MPDZ: variants seen among roughly 807,000 people sequenced by gnomAD.
The protein encoded by MPDZ is multiple PDZ domain crumbs cell polarity complex component.
MPDZ carries 234 observed loss-of-function variants against 239.1 expected under a neutral mutation model. The ratio of observed to expected loss-of-function variants is 0.98; its 90% CI spans 0.88 to 1.09. The LOEUF (loss-of-function observed/expected upper bound fraction) is 1.09. Among genes scored for constraint, MPDZ ranks in the 50% least tolerant of loss-of-function variants. The probability of loss-of-function intolerance (pLI) is 0.00; values close to 1 mark genes in which losing one functional copy is unlikely to be tolerated. For synonymous variants in MPDZ, 1,048 were observed against 881.3 expected (o/e 1.19, Z -3.35); for missense variants, 3,175 against 2,510.0 (o/e 1.26, Z -5.66).
chr9:13,254,572 TG>T (rs1236086746), intron 1 of MPDZ, among the ~76,000 whole-genome samples: 1 of 151,920 alleles, frequency 6.6e-6, no homozygotes, highest in Non-Finnish European at 1.5e-5. Context: ...AAATAAAAAA[TG>T]GAAAAAAAAC....
chr9:13,147,691 G>T, intron 25 of MPDZ, 33 bp from the exon 26 acceptor site: 2 of 1,526,508 alleles, frequency 1.3e-6, no homozygotes, highest in Non-Finnish European at 1.8e-6. Context: ...AACATTTCAA[G>T]AATCTATAGA....
chr9:13,171,220 A>G (rs1269396172), intron 21 of MPDZ, among the ~76,000 whole-genome samples: 2 of 152,212 alleles, frequency 1.3e-5, no homozygotes, highest in Non-Finnish European at 2.9e-5. Context: ...ACAAAACTAA[A>G]AACAAAACAA....
intron 13 of MPDZ, among the ~76,000 whole-genome samples, chr9:13,195,257 C>T (rs985295182): frequency 2.0e-5 from 3 of 152,144 alleles, no homozygotes; most frequent in South Asian, 4.1e-4. Context: ...CACTGCACTC[C>T]AGCCTGGGTG....
At chr9:13,173,363 T>C (rs542219521) in intron 21 of MPDZ, among the ~76,000 whole-genome samples, 9 of 152,300 alleles carry the variant, frequency 5.9e-5, no homozygotes, top group African/African-American at 2.2e-4. Flanking sequence ...CCCCAATAGA[T>C]GAAGAAATGC....
At chr9:13,171,926 C>A (rs1180776694) in intron 21 of MPDZ, among the ~76,000 whole-genome samples, 4 of 152,136 alleles carry the variant, frequency 2.6e-5, no homozygotes, top group African/African-American at 9.7e-5. Context: ...TATACTTTTC[C>A]ACTAGCACAA....
intron 32 of MPDZ, among the ~76,000 whole-genome samples, chr9:13,131,465 C>T (rs1945986887): frequency 6.6e-6 from 1 of 152,108 alleles, no homozygotes; most frequent in Non-Finnish European, 1.5e-5. Flanking sequence ...ACAAGTTAAA[C>T]GGTGTAGAAA....
chr9:13,238,851 A>G (rs1350349469), intron 3 of MPDZ, among the ~76,000 whole-genome samples: 1 of 152,204 alleles, frequency 6.6e-6, no homozygotes, highest in Non-Finnish European at 1.5e-5. Context: ...TAAGCTGCAC[A>G]TTAAATATAT....
intron 32 of MPDZ, among the ~76,000 whole-genome samples, chr9:13,130,499 A>C (rs2131996785): frequency 6.6e-6 from 1 of 152,342 alleles, no homozygotes; most frequent in African/African-American, 2.4e-5. Flanking sequence ...TGGAAAAAAA[A>C]GTGAGAATTT....
chr9:13,154,955 A>G (rs556695143), intron 24 of MPDZ, among the ~76,000 whole-genome samples: 2 of 152,290 alleles, frequency 1.3e-5, no homozygotes, highest in East Asian at 3.9e-4. Context: ...GTGGTAGCTC[A>G]TGCCTGTAAT....
intron 2 of MPDZ, among the ~76,000 whole-genome samples, chr9:13,248,739 G>A (rs1168124613): frequency 1.3e-5 from 2 of 151,390 alleles, no homozygotes; most frequent in Admixed American, 6.6e-5. Flanking sequence ...AGGCTGAGGC[G>A]GGTGGATTAC....
In MPDZ at chr9:13,125,340, A is replaced by C; in HGVS notation, c.4683T>G (p.His1561Gln). The change falls in exon 35 of 47, where the codon CAT (histidine) becomes CAG (glutamine). Residue 1561 changes from histidine (H) to glutamine (Q), a missense_variant. Transcript: ENST00000319217. ...CAGCCTGGGAATCTGGATTCTCAGC[A>C]TGGATGGTAAGTTTTACTGTCATCT... ...TAKMTVKLTIHAENPDSQAVP... is the reference protein window; with the variant it reads ...TAKMTVKLTIQAENPDSQAVP... 6.2e-7 allele frequency: 1 copy of C among 1,613,860 alleles called. No individual in the cohort carries two copies. Among genetic ancestry groups the C allele is most frequent in the Non-Finnish European group, 8.5e-7 (1 of 1,179,744 alleles).
chr9:13,154,354 G>C (rs554523486), intron 24 of MPDZ, among the ~76,000 whole-genome samples: 74 of 152,150 alleles, frequency 4.9e-4, no homozygotes, highest in African/African-American at 1.8e-3. Context: ...CAGCCTATTT[G>C]AGTTTTATAC....
chr9:13,126,002 T>A (rs1945054869), intron 34 of MPDZ, among the ~76,000 whole-genome samples: 2 of 152,156 alleles, frequency 1.3e-5, no homozygotes, highest in South Asian at 4.1e-4. Flanking sequence ...CATACCATAT[T>A]TCAAGGAAAC....
rs1564024300 is a variant in MPDZ at position 13,205,023 on chromosome 9, G to GCTA, written c.1546+10_1546+12dup. On this transcript the variant is annotated intron_variant, in intron 12 of 46. Transcript: ENST00000319217. The stretch of plus-strand genomic sequence containing the variant: ...ATAATGAAGTACACAATAAGCTGGC[G>GCTA]CTAGGTGTTTACCTTCTTCTTCAGT... 1 of 1,419,108 alleles carries GCTA rather than the reference G, an allele frequency of 7.0e-7. No homozygotes were observed. Among genetic ancestry groups the GCTA allele is most frequent in the Admixed American group, 3.1e-5 (1 of 31,822 alleles). 87.9% of individuals were successfully genotyped at this position (1,419,108 alleles called of 1,614,324 possible).
intron 11 of MPDZ, among the ~76,000 whole-genome samples, chr9:13,205,521 G>A (rs1321152281): frequency 2.0e-5 from 3 of 152,136 alleles, no homozygotes; most frequent in Non-Finnish European, 4.4e-5. Flanking sequence ...AGGAAAGGCT[G>A]GGCATTTAGA....
chr9:13,209,194 C>A (rs889964973), intron 10 of MPDZ, among the ~76,000 whole-genome samples: 1 of 152,106 alleles, frequency 6.6e-6, no homozygotes, highest in Non-Finnish European at 1.5e-5. Flanking sequence ...AGAAACACAC[C>A]AAGTACTAAA....
chr9:13,176,220 T>A lies in MPDZ; in HGVS notation c.2847A>T (p.Thr949=), dbSNP rs751100435. 30 of 1,604,220 alleles carry A rather than the reference T, an allele frequency of 1.9e-5. No homozygotes were observed. Among genetic ancestry groups the A allele is most frequent in the Non-Finnish European group, 2.6e-5 (30 of 1,174,492 alleles). The change falls in exon 20 of 47, where the codon ACA becomes ACT. Residue 949 remains threonine, a synonymous_variant. Transcript: ENST00000319217. ...AIEQQYECEN[T]IVWTESHLPS... ...GTAAATGAGATTCAGTCCACACTAT[T>A]GTGTTTTCACATTCATATTGTTGTT...
At chr9:13,182,924 G>A (rs2134484980) in intron 19 of MPDZ, among the ~76,000 whole-genome samples, 1 of 152,162 alleles carries the variant, frequency 6.6e-6, no homozygotes, top group Non-Finnish European at 1.5e-5. Flanking sequence ...CATTCACTGT[G>A]ATTTTTTATG....
chr9:13,175,278 A>G (rs1247103485), intron 21 of MPDZ, among the ~76,000 whole-genome samples: 2 of 152,216 alleles, frequency 1.3e-5, no homozygotes. Context: ...CCTACTGAAT[A>G]ACTCACATTT....
Sources: gnomAD v4.1 joint callset for allele counts (sites outside exome capture counted in the v4.1 genomes callset) on GRCh38, gnomAD v4.1.1 for gene constraint, MANE v1.5 for transcripts, NCBI Gene and HGNC (gene_info 2026-07-23, HGNC 2026-07-21) for gene names.